The following WWOX variants were observed in gnomAD, a reference collection of about 807,000 sequenced individuals.
The protein encoded by WWOX is WW domain-containing oxidoreductase.
WWOX carries 69 observed loss-of-function variants against 46.2 expected under a neutral mutation model. That is an observed-to-expected ratio of 1.49 (90% confidence interval 1.23 to 1.82). The LOEUF (loss-of-function observed/expected upper bound fraction) is 1.82. WWOX is among the 40% of genes most tolerant of loss of function. The pLI is 0.00. For missense variants in WWOX, 919 were observed against 542.6 expected (o/e 1.69, Z -6.89); for synonymous variants, 359 against 202.6 (o/e 1.77, Z -6.56).
chr16:78,941,023 T>A (rs898703864), intron 8 of WWOX, among the ~76,000 whole-genome samples: 1 of 151,864 alleles, frequency 6.6e-6, no homozygotes, highest in Non-Finnish European at 1.5e-5. Flanking sequence ...CACTTTTCCC[T>A]TGTTATGACC....
chr16:78,224,263 A>G (rs2036981486), intron 5 of WWOX, among the ~76,000 whole-genome samples: 1 of 152,112 alleles, frequency 6.6e-6, no homozygotes, highest in Admixed American at 6.6e-5. Context: ...TCGGCCTCCC[A>G]AAGTGCTGGG....
At chr16:78,539,888 T>G (rs1321708154) in intron 8 of WWOX, among the ~76,000 whole-genome samples, 1 of 152,156 alleles carries the variant, frequency 6.6e-6, no homozygotes, top group African/African-American at 2.4e-5. Context: ...TCTTCATAGA[T>G]AGGATCAGAT....
At chr16:78,546,395 C>T (rs2044032409) in intron 8 of WWOX, among the ~76,000 whole-genome samples, 1 of 152,076 alleles carries the variant, frequency 6.6e-6, no homozygotes, top group African/African-American at 2.4e-5. Context: ...ACTTGAAAGG[C>T]AGCCCACATT....
rs534110131 is a variant in WWOX at position 78,268,033 on chromosome 16, C to T, written c.516+103744C>T. On this transcript the variant is annotated intron_variant, in intron 5 of 8. Coordinates refer to ENST00000566780, the MANE Select transcript of WWOX (RefSeq NM_016373.4). The stretch of plus-strand genomic sequence containing the variant: ...AGGGTTTTGCCATGTTGCCCAGGCT[C>T]ATCTCGAACCCCTTGACTCAAGCGA... Among the ~76,000 whole-genome samples the T allele has an allele frequency of 3.3e-5, 5 of 152,278 alleles. No homozygotes were observed. The East Asian group carries it at 7.7e-4, about 24-fold the overall frequency.
intron 8 of WWOX, among the ~76,000 whole-genome samples, chr16:78,884,803 A>T: frequency 1.3e-5 from 2 of 152,308 alleles, no homozygotes; most frequent in South Asian, 4.1e-4. Context: ...TTTTGCATGT[A>T]TATTTTACTC....
intron 8 of WWOX, among the ~76,000 whole-genome samples, chr16:79,092,595 C>G (rs2048984961): frequency 1.3e-5 from 2 of 152,156 alleles, no homozygotes; most frequent in Non-Finnish European, 2.9e-5. Flanking sequence ...TGTAATTGGT[C>G]TTTAGCCTGA....
At chr16:78,946,370 T>TA (rs2045948516) in intron 8 of WWOX, among the ~76,000 whole-genome samples, 1 of 152,100 alleles carries the variant, frequency 6.6e-6, no homozygotes, top group East Asian at 1.9e-4. Flanking sequence ...TTTGTATTTT[T>TA]AGTAGAGACG....
intron 8 of WWOX, among the ~76,000 whole-genome samples, chr16:78,833,097 A>C (rs868394352): frequency 1.3e-5 from 2 of 148,830 alleles, no homozygotes; most frequent in African/African-American, 5.0e-5. Context: ...GCTGCAGTGC[A>C]GTGGTACAAT....
At chr16:79,022,391 G>A (rs1245639433) in intron 8 of WWOX, among the ~76,000 whole-genome samples, 3 of 148,888 alleles carry the variant, frequency 2.0e-5, no homozygotes, top group Non-Finnish European at 4.4e-5. Context: ...CAAGCCTACT[G>A]GCTTATCTGT....
intron 8 of WWOX, among the ~76,000 whole-genome samples, chr16:79,080,932 G>A (rs2048749275): frequency 6.6e-6 from 1 of 152,126 alleles, no homozygotes; most frequent in South Asian, 2.1e-4. Context: ...TAATTTATTT[G>A]GCAAGTGAAT....
chr16:78,638,736 C>G (rs1371860453), intron 8 of WWOX, among the ~76,000 whole-genome samples: 1 of 152,166 alleles, frequency 6.6e-6, no homozygotes, highest in African/African-American at 2.4e-5. Context: ...TTTTCTCTTC[C>G]TCAGGGTGCT....
intron 8 of WWOX, among the ~76,000 whole-genome samples, chr16:79,058,473 G>A (rs1184375417): frequency 2.6e-5 from 4 of 152,030 alleles, no homozygotes; most frequent in Admixed American, 6.6e-5. Context: ...AGAGAGAGAG[G>A]GAAGAAGGGG....
chr16:78,912,843 C>T (rs867290396), intron 8 of WWOX, among the ~76,000 whole-genome samples: 11 of 151,890 alleles, frequency 7.2e-5, no homozygotes, highest in African/African-American at 2.4e-4. Context: ...AGAGGTCAGA[C>T]GTATTATCAT....
At chr16:78,220,109 A>C (rs190591663) in intron 5 of WWOX, among the ~76,000 whole-genome samples, 1 of 152,112 alleles carries the variant, frequency 6.6e-6, no homozygotes, top group Non-Finnish European at 1.5e-5. Context: ...ATGATTGTGA[A>C]TGTTTGTTTA....
In WWOX at chr16:78,193,305, C is replaced by T. The variant is rs151149798; in HGVS notation, c.516+29016C>T. 4.7e-3 allele frequency among the ~76,000 whole-genome samples: 711 copies of T among 152,318 alleles called. 4 individuals are homozygous for T. Among genetic ancestry groups the T allele is most frequent in the African/African-American group, 0.016 (678 of 41,582 alleles). On this transcript the variant is annotated intron_variant, in intron 5 of 8. Coordinates refer to ENST00000566780, the MANE Select transcript of WWOX (RefSeq NM_016373.4). Reference sequence around the variant, plus strand: ...AAAGATGGTTTTCTTGATATGGTTGCCACTTACCTTTCAGTAAAATAGCAC... The same window carrying T: ...AAAGATGGTTTTCTTGATATGGTTGTCACTTACCTTTCAGTAAAATAGCAC...
intron 4 of WWOX, among the ~76,000 whole-genome samples, chr16:78,132,597 T>C (rs779194450): frequency 1.3e-5 from 2 of 152,174 alleles, no homozygotes; most frequent in Non-Finnish European, 2.9e-5. Context: ...ACCTGAGCAG[T>C]TTATGTACTC....
chr16:78,125,484 C>T (rs558902093), intron 4 of WWOX, among the ~76,000 whole-genome samples: 1 of 152,226 alleles, frequency 6.6e-6, no homozygotes, highest in East Asian at 1.9e-4. Context: ...TCGCTCTGTG[C>T]CCGGTCAAGT....
At chr16:78,468,221 T>C (rs1174035567) in intron 8 of WWOX, among the ~76,000 whole-genome samples, 2 of 152,070 alleles carry the variant, frequency 1.3e-5, no homozygotes, top group African/African-American at 2.4e-5. Flanking sequence ...TCTGGAGACC[T>C]GATATGCTTT....
In WWOX at chr16:78,613,061, G is replaced by GA. The variant is rs564636151; in HGVS notation, c.1056+180309_1056+180310insA. Among the ~76,000 whole-genome samples the GA allele has an allele frequency of 2.7e-3, 407 of 152,176 alleles. 2 individuals carry two copies. Among genetic ancestry groups the GA allele is most frequent in the African/African-American group, 9.3e-3 (385 of 41,516 alleles). ...AAGAGGTGCCTCTTGAGAGTTTGTA[G>GA]GAAACTGTGCTTTAGTAACTCATGG... On this transcript the variant is annotated intron_variant, in intron 8 of 8. Transcript: ENST00000566780.
Sources: gnomAD v4.1 joint callset for allele counts (sites outside exome capture counted in the v4.1 genomes callset) on GRCh38, gnomAD v4.1.1 for gene constraint, MANE v1.5 for transcripts, NCBI Gene and HGNC (gene_info 2026-07-23, HGNC 2026-07-21) for gene names.